The following RAB30 variants were observed in gnomAD, a reference collection of about 807,000 sequenced individuals.
The protein encoded by RAB30 is RAB30, member RAS oncogene family.
A neutral mutation model predicts 25.1 loss-of-function variants in RAB30; 9 were observed. The observed-to-expected ratio is 0.36, with a 90% CI of 0.22 to 0.63. The LOEUF is 0.63. Among genes scored for constraint, RAB30 ranks in the 20% least tolerant of loss-of-function variants. The probability of loss-of-function intolerance (pLI) is 0.69; values close to 1 mark genes in which losing one functional copy is unlikely to be tolerated. For synonymous variants in RAB30, 77 were observed against 86.4 expected, an observed-to-expected ratio of 0.89 and a Z score of 0.60; for missense variants, 140 against 243.5, an observed-to-expected ratio of 0.58 and a Z score of 2.83.
chr11:83,013,177 G>C (rs1190789424), intron 1 of RAB30, among the ~76,000 whole-genome samples: 1 of 152,034 alleles, frequency 6.6e-6, no homozygotes, highest in African/African-American at 2.4e-5. Flanking sequence ...TCCGCCTCCT[G>C]GGTTCAATAA....
chr11:83,071,776 G>A lies in RAB30; in HGVS notation c.-94C>T, dbSNP rs1225134323. The A allele has an allele frequency of 3.4e-6, 1 of 296,330 alleles. No homozygotes were observed. Among genetic ancestry groups the A allele is most frequent in the African/African-American group, 2.2e-5 (1 of 46,156 alleles). 18.4% of individuals were successfully genotyped at this position (296,330 alleles called of 1,614,324 possible). A position where few individuals can be genotyped will look rare whatever the true frequency, so the allele number is the denominator to read the frequency against. Reference sequence around the variant, plus strand: ...ACGCACGCAAGGGAAGGTCTGCGATGTCCTGAGTCCAAGGGCTGGAGTCAG... The same window carrying A: ...ACGCACGCAAGGGAAGGTCTGCGATATCCTGAGTCCAAGGGCTGGAGTCAG... On this transcript the variant is annotated 5_prime_UTR_variant, in exon 1 of 5. Transcript: ENST00000527633.
chr11:82,982,017 C>A lies in RAB30; in HGVS notation c.*148G>T. ...TGCTAATGCTGGCCTGTGGTCGAGG[C>A]CCTTGGCCTGCCATGCTTTGTAAGC... On this transcript the variant is annotated 3_prime_UTR_variant, in exon 5 of 5. Transcript: ENST00000527633. 1 of 1,065,468 alleles carries A rather than the reference C, an allele frequency of 9.4e-7. No individual in the cohort carries two copies. 66.0% of individuals were successfully genotyped at this position (1,065,468 alleles called of 1,614,324 possible). A position where few individuals can be genotyped will look rare whatever the true frequency, so the allele number is the denominator to read the frequency against.
At chr11:82,991,721 G>A (rs563200225) in intron 3 of RAB30, among the ~76,000 whole-genome samples, 34 of 152,218 alleles carry the variant, frequency 2.2e-4, no homozygotes, top group African/African-American at 7.9e-4. Flanking sequence ...TTTGGGAGAT[G>A]AGCCAACTGT....
chr11:83,047,881 C>A (rs1858267024), intron 1 of RAB30, among the ~76,000 whole-genome samples: 2 of 152,184 alleles, frequency 1.3e-5, no homozygotes, highest in African/African-American at 2.4e-5. Context: ...TCCAACCACA[C>A]ACTTCATTGT....
At chr11:82,992,315 C>A (rs1412149427) in intron 3 of RAB30, 4 of 455,974 alleles carry the variant, frequency 8.8e-6, no homozygotes, top group African/African-American at 2.0e-5. Flanking sequence ...GATTTCATAC[C>A]CTGCTTTTAT....
At chr11:83,053,919 G>A (rs917934975) in intron 1 of RAB30, among the ~76,000 whole-genome samples, 14 of 152,018 alleles carry the variant, frequency 9.2e-5, no homozygotes, top group African/African-American at 2.7e-4. Context: ...ACGAAACCCC[G>A]TCTCTACTAA....
At chr11:83,027,261 T>A (rs1458317384) in intron 1 of RAB30, among the ~76,000 whole-genome samples, 1 of 152,068 alleles carries the variant, frequency 6.6e-6, no homozygotes, top group Non-Finnish European at 1.5e-5. Flanking sequence ...CTTTTGTAAA[T>A]CTTTAGCATT....
intron 1 of RAB30, among the ~76,000 whole-genome samples, chr11:83,063,002 CAA>C (rs34529308): frequency 8.8e-5 from 9 of 101,762 alleles, no homozygotes; most frequent in Non-Finnish European, 6.5e-5. Flanking sequence ...GACTCCGTCT[CAA>C]AAAAAAAAAA....
chr11:83,071,216 C>G (rs577075781), intron 1 of RAB30: 2 of 152,354 alleles, frequency 1.3e-5, no homozygotes, highest in East Asian at 3.9e-4. Context: ...GCACGTTCAT[C>G]TTAAAAATTA....
chr11:83,010,399 T>C (rs1734188989), intron 1 of RAB30, among the ~76,000 whole-genome samples: 1 of 152,156 alleles, frequency 6.6e-6, no homozygotes, highest in Non-Finnish European at 1.5e-5. Flanking sequence ...TACTGTGAAC[T>C]GTGATCACGC....
At chr11:83,019,312 C>T (rs1295467840) in intron 1 of RAB30, among the ~76,000 whole-genome samples, 2 of 152,196 alleles carry the variant, frequency 1.3e-5, no homozygotes, top group Admixed American at 1.3e-4. Context: ...AGGCATGAGC[C>T]ACCACACCAG....
At chr11:83,004,265 G>A (rs906213217) in intron 1 of RAB30, among the ~76,000 whole-genome samples, 2 of 152,120 alleles carry the variant, frequency 1.3e-5, no homozygotes, top group Non-Finnish European at 2.9e-5. Context: ...AAGAAATCCA[G>A]GTCATATCAC....
intron 1 of RAB30, among the ~76,000 whole-genome samples, chr11:83,020,295 C>A (rs1010279596): frequency 2.0e-5 from 3 of 152,252 alleles, no homozygotes; most frequent in South Asian, 2.1e-4. Flanking sequence ...GCCTCTCCCC[C>A]ACTCCTTATG....
chr11:83,036,586 G>A (rs1857992616), intron 1 of RAB30, among the ~76,000 whole-genome samples: 1 of 152,136 alleles, frequency 6.6e-6, no homozygotes, highest in African/African-American at 2.4e-5. Context: ...ACCTACAGAG[G>A]ATACAACTGT....
intron 1 of RAB30, among the ~76,000 whole-genome samples, chr11:83,036,506 T>C (rs2121514362): frequency 6.6e-6 from 1 of 152,276 alleles, no homozygotes; most frequent in South Asian, 2.1e-4. Flanking sequence ...ACCCTTTCAG[T>C]CAATTATGAG....
intron 1 of RAB30, among the ~76,000 whole-genome samples, chr11:83,011,492 T>C (rs969107917): frequency 3.3e-5 from 5 of 152,218 alleles, no homozygotes; most frequent in African/African-American, 7.2e-5. Context: ...TCCTAACACC[T>C]GTAGATGACT....
At chr11:82,991,984 C>T (rs1332280323) in intron 3 of RAB30, among the ~76,000 whole-genome samples, 2 of 152,196 alleles carry the variant, frequency 1.3e-5, no homozygotes, top group Admixed American at 6.5e-5. Flanking sequence ...TGTTCTTTAA[C>T]AGCAGGGACC....
intron 1 of RAB30, among the ~76,000 whole-genome samples, chr11:82,998,643 T>C (rs909883477): frequency 6.7e-5 from 10 of 150,064 alleles, no homozygotes; most frequent in Non-Finnish European, 1.3e-4. Flanking sequence ...GATTCTGTTA[T>C]CACCACAGGA....
At chr11:82,997,145 C>T (rs1297739528) in intron 2 of RAB30, 79 bp downstream of exon 2, 9 of 1,220,536 alleles carry the variant, frequency 7.4e-6, no homozygotes, top group African/African-American at 4.5e-5. Context: ...TCATCCATCT[C>T]GACAGATTCC....
Sources: gnomAD v4.1 joint callset for allele counts (sites outside exome capture counted in the v4.1 genomes callset) on GRCh38, gnomAD v4.1.1 for gene constraint, MANE v1.5 for transcripts, NCBI Gene and HGNC (gene_info 2026-07-23, HGNC 2026-07-21) for gene names.